ARIH1: variants seen among roughly 807,000 people sequenced by gnomAD.
ARIH1 encodes the protein E3 ubiquitin-protein ligase ARIH1.
Under a neutral mutation model 85.0 loss-of-function variants are expected in ARIH1, and 8 were observed. The ratio of observed to expected loss-of-function variants is 0.09; its 90% CI spans 0.06 to 0.17. ARIH1 has a LOEUF of 0.17. ARIH1 is among the 10% of genes least tolerant of loss of function. The pLI is 1.00. For missense variants in ARIH1, 311 were observed against 718.1 expected (o/e 0.43, Z 6.48); for synonymous variants, 238 against 253.6 (o/e 0.94, Z 0.59).
In ARIH1 at chr15:72,482,835, CTCTCTT is replaced by C. The variant is rs1339728652; in HGVS notation, c.375+7823_375+7828del. On this transcript the variant is annotated intron_variant, in intron 1 of 13. Coordinates refer to ENST00000379887, the MANE Select transcript of ARIH1 (RefSeq NM_005744.5). ...TGACGGCTTGGTAGCAGTTCTCTCT[CTCTCTT>C]TTTTTTTTTTTTTTTTAAAGACAGA... Among the ~76,000 whole-genome samples the C allele has an allele frequency of 9.2e-5, 9 of 97,824 alleles. 1 individual carries two copies. The Admixed American group carries it at 9.4e-4, about 10-fold the overall frequency. The allele number at this position is 97,824 out of a possible 152,430, so 64.2% of individuals were successfully genotyped here.
chr15:72,528,751 A>T (rs2064041480), intron 2 of ARIH1, among the ~76,000 whole-genome samples: 1 of 152,176 alleles, frequency 6.6e-6, no homozygotes, highest in South Asian at 2.1e-4. Flanking sequence ...GCTACTCAGA[A>T]GGCTGAGGCA....
At position 72,474,654 on chromosome 15, in the gene ARIH1, G is replaced by C; in HGVS notation, c.15G>C (p.Glu5Asp). The C allele has an allele frequency of 6.5e-7, 1 of 1,544,436 alleles. No individual in the cohort carries two copies. Among genetic ancestry groups the C allele is most frequent in the Non-Finnish European group, 8.7e-7 (1 of 1,147,070 alleles). The change falls in exon 1 of 14, where the codon GAG (glutamate) becomes GAC (aspartate). Residue 5 changes from glutamate to aspartate, a missense_variant. Transcript: ENST00000379887. ...CGCGTCGCGCCATGGACTCGGACGA[G>C]GGCTACAACTACGAGTTCGACGAGG... MDSD[E>D]GYNYEFDEDE...
At chr15:72,540,621 G>A (rs1032454643) in intron 2 of ARIH1, among the ~76,000 whole-genome samples, 1 of 152,094 alleles carries the variant, frequency 6.6e-6, no homozygotes, top group East Asian at 1.9e-4. Flanking sequence ...ATACTTAGCA[G>A]TATTTGAAAG....
rs2064328441 is a variant in ARIH1 at position 72,588,720 on chromosome 15, T to C, written c.*5428T>C. 6.6e-6 allele frequency: 1 copy of C among 152,186 alleles called. No homozygotes were observed. The highest frequency in any genetic ancestry group is 2.1e-4 in the South Asian group (1 of 4,832). The allele number at this position is 152,186 out of a possible 1,614,324, so 9.4% of individuals were successfully genotyped here. A position where few individuals can be genotyped will look rare whatever the true frequency, so the allele number is the denominator to read the frequency against. On this transcript the variant is annotated 3_prime_UTR_variant, in exon 14 of 14. Transcript: ENST00000379887. ...GGTGTGCAGTGCCCAATTTGGTTTT[T>C]TGTTGGTTTTCTGGTAAGTGGTCCA...
In ARIH1 at chr15:72,600,735, C is replaced by T. The variant is rs532206480; in HGVS notation, c.*17443C>T. The T allele has an allele frequency of 1.3e-5, 2 of 152,180 alleles. No homozygotes were observed. Among genetic ancestry groups the T allele is most frequent in the Admixed American group, 6.5e-5 (1 of 15,288 alleles). 9.4% of individuals were successfully genotyped at this position (152,180 alleles called of 1,614,324 possible). On this transcript the variant is annotated 3_prime_UTR_variant, in exon 14 of 14. Transcript: ENST00000379887. ...TCTAATTATGTATATAATTAAAGTA[C>T]ATTAGGTTTAGTGATTGCAATTTGA...
chr15:72,513,133 A>G (rs544801162), intron 1 of ARIH1, among the ~76,000 whole-genome samples: 4 of 152,268 alleles, frequency 2.6e-5, no homozygotes, highest in African/African-American at 9.6e-5. Context: ...TGCCTTTTAA[A>G]TGGTTTGTTT....
chr15:72,575,257 C>G (rs2064265454), intron 11 of ARIH1, among the ~76,000 whole-genome samples: 1 of 152,146 alleles, frequency 6.6e-6, no homozygotes, highest in African/African-American at 2.4e-5. Context: ...GATTACATTT[C>G]TCATTCCAGA....
At chr15:72,510,458 T>A (rs999653461) in intron 1 of ARIH1, among the ~76,000 whole-genome samples, 4 of 152,052 alleles carry the variant, frequency 2.6e-5, no homozygotes, top group Non-Finnish European at 2.9e-5. Flanking sequence ...AAGTACATTT[T>A]AAAAATATGT....
intron 11 of ARIH1, among the ~76,000 whole-genome samples, chr15:72,576,201 G>C (rs1009816868): frequency 1.3e-5 from 2 of 152,080 alleles, no homozygotes; most frequent in Non-Finnish European, 2.9e-5. Context: ...GAACATACGT[G>C]TGTTAGGAAC....
Position 72,592,941 on chromosome 15 carries a change from G to GA in ARIH1, c.*9653dup, listed in dbSNP as rs1226985330. The GA allele has an allele frequency of 6.6e-6, 1 of 152,068 alleles. No individual in the cohort carries two copies. Among genetic ancestry groups the GA allele is most frequent in the African/African-American group, 2.4e-5 (1 of 41,420 alleles). The allele number at this position is 152,068 out of a possible 1,614,324, so 9.4% of individuals were successfully genotyped here. Reference sequence around the variant, plus strand: ...CACTTGTCTTGGATAAATAAGAGTAGAAAATTACTGGGTCATATGGTAAGT... The same window carrying GA: ...CACTTGTCTTGGATAAATAAGAGTAGAAAAATTACTGGGTCATATGGTAAGT... On this transcript the variant is annotated 3_prime_UTR_variant, in exon 14 of 14. Transcript: ENST00000379887.
At chr15:72,552,039 T>C (rs539993512) in intron 3 of ARIH1, among the ~76,000 whole-genome samples, 3 of 152,320 alleles carry the variant, frequency 2.0e-5, no homozygotes, top group African/African-American at 7.2e-5. Flanking sequence ...GACAATCTCT[T>C]TGCAGGGGAG....
rs938923165 is a variant in ARIH1, at chr15:72,582,654, G to T, written c.1589+467G>T. ...AGGAGTCGATTTTTCAAGATGTGCCGCCTCTTAAGCTAGAGATGCAAAATG... is the reference window on the plus strand; with the variant it reads ...AGGAGTCGATTTTTCAAGATGTGCCTCCTCTTAAGCTAGAGATGCAAAATG... On this transcript the variant is annotated intron_variant, in intron 13 of 13. Transcript: ENST00000379887. The surrounding 1 kb of genome is among the most constrained non-coding windows in gnomAD (Gnocchi z 4.6). 6.6e-6 allele frequency among the ~76,000 whole-genome samples: 1 copy of T among 151,684 alleles called. No individual in the cohort carries two copies. Among genetic ancestry groups the T allele is most frequent in the African/African-American group, 2.4e-5 (1 of 41,360 alleles).
In ARIH1 at chr15:72,585,690, A is replaced by G. The variant is rs1039675276; in HGVS notation, c.*2398A>G. On this transcript the variant is annotated 3_prime_UTR_variant, in exon 14 of 14. Coordinates refer to ENST00000379887, the MANE Select transcript of ARIH1 (RefSeq NM_005744.5). ...CTTTTTAGAGATGCTTTCTATTTCA[A>G]TGTTGGCATACTGCCTGAGGGTATT... The G allele has an allele frequency of 3.9e-5, 6 of 152,158 alleles. No homozygotes were observed. Among genetic ancestry groups the G allele is most frequent in the African/African-American group, 1.2e-4 (5 of 41,432 alleles). 9.4% of individuals were successfully genotyped at this position (152,158 alleles called of 1,614,324 possible). A position where few individuals can be genotyped will look rare whatever the true frequency, so the allele number is the denominator to read the frequency against.
chr15:72,500,565 C>G (rs1021503905), intron 1 of ARIH1, among the ~76,000 whole-genome samples: 2 of 152,124 alleles, frequency 1.3e-5, no homozygotes, highest in African/African-American at 4.8e-5. Context: ...TTCATTCCCT[C>G]TCTTCTTCTT....
intron 2 of ARIH1, among the ~76,000 whole-genome samples, chr15:72,543,407 G>C (rs183850798): frequency 1.3e-5 from 2 of 152,212 alleles, no homozygotes; most frequent in Admixed American, 1.3e-4. Flanking sequence ...CTGATTATCT[G>C]AATCATCAGA....
chr15:72,524,018 C>G (rs1382143178), intron 2 of ARIH1, among the ~76,000 whole-genome samples: 3 of 137,440 alleles, frequency 2.2e-5, no homozygotes, highest in Non-Finnish European at 4.6e-5. Flanking sequence ...GCAATCTCGG[C>G]TCACTGTAAG....
intron 10 of ARIH1, among the ~76,000 whole-genome samples, chr15:72,570,688 C>T (rs2064239867): frequency 6.6e-6 from 1 of 152,198 alleles, no homozygotes; most frequent in African/African-American, 2.4e-5. Context: ...GTTGGCAAAA[C>T]CCAACCTGCA....
At chr15:72,536,551 T>C (rs2064082883) in intron 2 of ARIH1, among the ~76,000 whole-genome samples, 1 of 152,238 alleles carries the variant, frequency 6.6e-6, no homozygotes, top group African/African-American at 2.4e-5. Context: ...GAGGTCAATT[T>C]ACTGTTCACT....
At chr15:72,530,117 A>T (rs1323568682) in intron 2 of ARIH1, among the ~76,000 whole-genome samples, 1 of 152,218 alleles carries the variant, frequency 6.6e-6, no homozygotes, top group Non-Finnish European at 1.5e-5. Context: ...TAACTGAGAC[A>T]AAATATAGGA....
Sources: allele counts gnomAD v4.1 joint callset (sites outside exome capture counted in the v4.1 genomes callset), GRCh38; gene constraint gnomAD v4.1.1; non-coding constraint Gnocchi (gnomAD v3.1); transcripts MANE v1.5; gene names NCBI Gene and HGNC (gene_info 2026-07-23, HGNC 2026-07-21).